PCDH15: variants seen among roughly 807,000 people sequenced by gnomAD.
The protein encoded by PCDH15 is protocadherin-15.
In PCDH15, 129 loss-of-function variants were observed where a neutral mutation model predicts 178.5. That is an observed-to-expected ratio of 0.72 (90% CI 0.63 to 0.84). The LOEUF is 0.84. PCDH15 is among the 40% of genes least tolerant of loss of function. PCDH15 has a pLI of 0.00. For missense variants in PCDH15, 2,230 were observed against 2,099.9 expected (o/e 1.06, Z -1.21); for synonymous variants, 800 against 732.0 (o/e 1.09, Z -1.50).
At chr10:54,754,055 C>T (rs56229708) in intron 1 of PCDH15, among the ~76,000 whole-genome samples, 16,475 of 151,556 alleles carry the variant, frequency 0.11, 1,157 homozygotes, top group Middle Eastern at 0.19. Flanking sequence ...GTCTCGATCT[C>T]CTGACCTCGT....
intron 25 of PCDH15, among the ~76,000 whole-genome samples, chr10:53,931,143 T>C (rs779768353): frequency 6.6e-6 from 1 of 152,138 alleles, no homozygotes; most frequent in South Asian, 2.1e-4. Context: ...TCCAAAGCTT[T>C]TCAGATTCCC....
intron 2 of PCDH15, among the ~76,000 whole-genome samples, chr10:55,140,910 G>C (rs1838335989): frequency 6.6e-6 from 1 of 151,946 alleles, no homozygotes; most frequent in Non-Finnish European, 1.5e-5. Flanking sequence ...TTATCCTTTT[G>C]ATGTCTACAG....
At chr10:54,821,723 T>C (rs1029749976) in intron 3 of PCDH15, among the ~76,000 whole-genome samples, 2 of 152,148 alleles carry the variant, frequency 1.3e-5, no homozygotes, top group Admixed American at 1.3e-4. Flanking sequence ...TTTTTGTTGT[T>C]GTTATCAACA....
At chr10:53,898,106 A>G (rs2082087269) in intron 26 of PCDH15, among the ~76,000 whole-genome samples, 1 of 151,096 alleles carries the variant, frequency 6.6e-6, no homozygotes, top group Non-Finnish European at 1.5e-5. Flanking sequence ...AGCTGGGACT[A>G]CAGGTGCCCA....
intron 3 of PCDH15, among the ~76,000 whole-genome samples, chr10:54,825,930 G>T (rs1472215207): frequency 6.6e-6 from 1 of 151,926 alleles, no homozygotes; most frequent in Non-Finnish European, 1.5e-5. Flanking sequence ...TATTTATTAT[G>T]CATACAGCCT....
chr10:54,315,886 C>CT (rs2061228514), intron 8 of PCDH15, among the ~76,000 whole-genome samples: 1 of 151,658 alleles, frequency 6.6e-6, no homozygotes, highest in Non-Finnish European at 1.5e-5. Context: ...TTTACCAGTC[C>CT]TTTCAAGTAA....
At chr10:54,287,054 T>A (rs199561855) in intron 8 of PCDH15, among the ~76,000 whole-genome samples, 2 of 152,224 alleles carry the variant, frequency 1.3e-5, no homozygotes, top group South Asian at 2.1e-4. Context: ...TGAAACTGAT[T>A]GATAAGTTAT....
chr10:54,522,770 C>T (rs1009969120), intron 3 of PCDH15, among the ~76,000 whole-genome samples: 4 of 152,230 alleles, frequency 2.6e-5, no homozygotes, highest in Middle Eastern at 3.4e-3. Flanking sequence ...ACTGATTGAA[C>T]AACAAAATTA....
At chr10:54,075,001 G>T (rs1339470909) in intron 17 of PCDH15, among the ~76,000 whole-genome samples, 1 of 151,956 alleles carries the variant, frequency 6.6e-6, no homozygotes, top group African/African-American at 2.4e-5. Context: ...ATGTTTACTG[G>T]TCATTTATAT....
intron 26 of PCDH15, among the ~76,000 whole-genome samples, chr10:53,891,108 C>T (rs1358418087): frequency 1.3e-5 from 2 of 151,836 alleles, no homozygotes; most frequent in African/African-American, 2.4e-5. Context: ...CCCTTATATT[C>T]GTGTTATAGA....
intron 1 of PCDH15, among the ~76,000 whole-genome samples, chr10:54,769,298 C>A (rs923648689): frequency 2.0e-5 from 3 of 149,218 alleles, no homozygotes; most frequent in Non-Finnish European, 3.0e-5. Flanking sequence ...GGCAGGCATG[C>A]TTGACAGCAG....
intron 2 of PCDH15, among the ~76,000 whole-genome samples, chr10:55,047,276 C>A (rs570749057): frequency 6.6e-6 from 1 of 151,706 alleles, no homozygotes; most frequent in African/African-American, 2.4e-5. Context: ...AATACAAAAA[C>A]AATTGGTTGC....
chr10:54,671,516 T>C (rs941276042), intron 1 of PCDH15, among the ~76,000 whole-genome samples: 8 of 152,156 alleles, frequency 5.3e-5, no homozygotes, highest in African/African-American at 1.9e-4. Flanking sequence ...TGGAGGGCTA[T>C]ATAAGGGTAA....
chr10:55,335,764 G>T (rs1900475), intron 2 of PCDH15, among the ~76,000 whole-genome samples: 29,357 of 151,962 alleles, frequency 0.19, 3,025 homozygotes, highest in African/African-American at 0.26. Flanking sequence ...TTAGAAGATG[G>T]GTTGTGCTGC....
chr10:54,648,342 A>C (rs1435172801), intron 2 of PCDH15, among the ~76,000 whole-genome samples: 1 of 152,080 alleles, frequency 6.6e-6, no homozygotes, highest in East Asian at 1.9e-4. Flanking sequence ...AGGACACCAA[A>C]AATGTGACAT....
intron 1 of PCDH15, among the ~76,000 whole-genome samples, chr10:55,211,416 C>T (rs936099387): frequency 6.6e-6 from 1 of 151,998 alleles, no homozygotes; most frequent in Non-Finnish European, 1.5e-5. Context: ...ATTTGCATTT[C>T]CAATGATAAA....
chr10:54,065,507 G>T (rs2094120039), intron 18 of PCDH15, among the ~76,000 whole-genome samples: 1 of 152,138 alleles, frequency 6.6e-6, no homozygotes, highest in South Asian at 2.1e-4. Context: ...ACTACAGTGT[G>T]GGGAGCAGAG....
intron 15 of PCDH15, among the ~76,000 whole-genome samples, chr10:54,099,703 A>G (rs4935100): frequency 0.7 from 105,740 of 151,260 alleles, 37,417 homozygotes; most frequent in Middle Eastern, 0.82. Flanking sequence ...CATTAATTTG[A>G]TGCCCATTAT....
chr10:54,179,545 T>G (rs1224884294), intron 13 of PCDH15, among the ~76,000 whole-genome samples: 1 of 151,934 alleles, frequency 6.6e-6, no homozygotes, highest in Non-Finnish European at 1.5e-5. Flanking sequence ...ATTGTGCACA[T>G]GTACCCTAAA....
Sources: gnomAD v4.1 joint callset for allele counts (sites outside exome capture counted in the v4.1 genomes callset) on GRCh38, gnomAD v4.1.1 for gene constraint, MANE v1.5 for transcripts, NCBI Gene and HGNC (gene_info 2026-07-23, HGNC 2026-07-21) for gene names.